Variants in DNAH14 observed in about 807,000 individuals in gnomAD.
DNAH14 encodes axonemal beta dynein heavy chain 14.
In DNAH14, 478 loss-of-function variants were observed where a neutral mutation model predicts 520.9. That is an observed-to-expected ratio of 0.92 (90% CI 0.85 to 0.99). The LOEUF (loss-of-function observed/expected upper bound fraction) is 0.99. Among genes scored for constraint, DNAH14 ranks in the 50% least tolerant of loss-of-function variants. The pLI is 0.00. For missense variants in DNAH14, 4,831 were observed against 5,234.5 expected (o/e 0.92, Z 2.38); for synonymous variants, 1,581 against 1,757.2 (o/e 0.90, Z 2.51).
intron 74 of DNAH14, 32 bp downstream of exon 74, chr1:225,358,684 A>G (rs1369876761): frequency 6.5e-7 from 1 of 1,538,894 alleles, no homozygotes; most frequent in African/African-American, 1.4e-5. Flanking sequence ...AAGATGATCG[A>G]TATGGTTTGG....
At chr1:225,055,867 A>T (rs1405018091) in intron 17 of DNAH14, among the ~76,000 whole-genome samples, 1 of 152,084 alleles carries the variant, frequency 6.6e-6, no homozygotes, top group African/African-American at 2.4e-5. Context: ...ACATGAACTC[A>T]TCATTTTTTA....
chr1:225,104,465 A>G (rs1229738790), intron 23 of DNAH14, among the ~76,000 whole-genome samples: 1 of 152,192 alleles, frequency 6.6e-6, no homozygotes, highest in African/African-American at 2.4e-5. Context: ...GAATGGTACC[A>G]GCTCCTCCTT....
chr1:225,262,289 G>T (rs1386135459), intron 46 of DNAH14, among the ~76,000 whole-genome samples: 3 of 151,734 alleles, frequency 2.0e-5, no homozygotes, highest in African/African-American at 4.8e-5. Context: ...CCATTCTGTA[G>T]GTTGTCTGTG....
chr1:225,353,606 A>G (rs3856151), intron 72 of DNAH14, among the ~76,000 whole-genome samples, 197 bp from the exon 73 acceptor site: 151,832 of 152,166 alleles, frequency 1, 75,750 homozygotes, highest in Middle Eastern at 1. Context: ...CTATCTTAAC[A>G]TCTCCCTCTT....
intron 23 of DNAH14, among the ~76,000 whole-genome samples, chr1:225,115,050 CTTATCT>C (rs1389498696): frequency 6.6e-6 from 1 of 152,174 alleles, no homozygotes; most frequent in East Asian, 1.9e-4. Flanking sequence ...TCTTGCCTTC[CTTATCT>C]TTAAGTTGAG....
At chr1:225,023,317 G>C (rs1383758094) in intron 10 of DNAH14, among the ~76,000 whole-genome samples, 1 of 149,370 alleles carries the variant, frequency 6.7e-6, no homozygotes, top group Non-Finnish European at 1.5e-5. Context: ...TTTTCATATT[G>C]TTAAATTTAG....
At chr1:225,289,605 CTG>C (rs1440185615) in intron 54 of DNAH14, among the ~76,000 whole-genome samples, 1 of 151,936 alleles carries the variant, frequency 6.6e-6, no homozygotes, top group African/African-American at 2.4e-5. Flanking sequence ...ATAAGCCTAT[CTG>C]TGCTTTTTTC....
At chr1:225,057,729 T>G (rs896395583) in intron 17 of DNAH14, among the ~76,000 whole-genome samples, 1 of 152,218 alleles carries the variant, frequency 6.6e-6, no homozygotes, top group Non-Finnish European at 1.5e-5. Flanking sequence ...TTGAGAGTTC[T>G]TAGCATGAAG....
At chr1:224,995,906 TAGTC>T (rs1274451250) in intron 8 of DNAH14, among the ~76,000 whole-genome samples, 1 of 152,104 alleles carries the variant, frequency 6.6e-6, no homozygotes, top group East Asian at 1.9e-4. Context: ...TATTATTTCT[TAGTC>T]AGACTTCTAA....
intron 42 of DNAH14, among the ~76,000 whole-genome samples, chr1:225,238,560 A>T (rs1232497838): frequency 1.3e-5 from 2 of 152,100 alleles, no homozygotes; most frequent in East Asian, 3.9e-4. Flanking sequence ...GTGTCTGGAG[A>T]CGCCTGTTGG....
At position 225,152,061 on chromosome 1, in the gene DNAH14, C is replaced by A. The variant is rs1164084533; in HGVS notation, c.4997C>A (p.Thr1666Asn). ...AATATGTCTTGTGCGGTATTTATCA[C>A]CATGAATCCCAGGTAAGTATCAGTA... ...RINMSCAVFITMNPRYGGGVE... is the reference protein window; with the variant it reads ...RINMSCAVFINMNPRYGGGVE... The change falls in exon 32 of 86, where the codon ACC (threonine) becomes AAC (asparagine). Residue 1666 changes from threonine (T) to asparagine (N), a missense_variant. Coordinates refer to ENST00000682510, the MANE Select transcript of DNAH14 (RefSeq NM_001367479.1). 3 of 1,549,772 alleles carry A rather than the reference C, an allele frequency of 1.9e-6. No homozygotes were observed. Among genetic ancestry groups the A allele is most frequent in the South Asian group, 2.4e-5 (2 of 83,746 alleles).
At chr1:225,284,572 T>G (rs1204146889) in intron 54 of DNAH14, among the ~76,000 whole-genome samples, 1 of 152,110 alleles carries the variant, frequency 6.6e-6, no homozygotes, top group East Asian at 1.9e-4. Flanking sequence ...AAGGAAGAAT[T>G]AACACCATTC....
rs1553479489 is a variant in DNAH14, at chr1:225,151,336, T to TA, written c.4941-669_4941-668insA. ...ATAAATCTGTGGATATAGTTGGGGG[T>TA]GGGGGGGTCACAGTAACATTTCACT... On this transcript the variant is annotated intron_variant, in intron 31 of 85. Coordinates refer to ENST00000682510, the MANE Select transcript of DNAH14 (RefSeq NM_001367479.1). Among the ~76,000 whole-genome samples, 429 of 151,512 alleles carry TA rather than the reference T, an allele frequency of 2.8e-3. 3 individuals are homozygous for TA. Among genetic ancestry groups the TA allele is most frequent in the East Asian group, 0.025 (126 of 5,140 alleles).
At chr1:225,391,810 C>A (rs1238559654) in intron 83 of DNAH14, among the ~76,000 whole-genome samples, 2 of 152,046 alleles carry the variant, frequency 1.3e-5, no homozygotes, top group Non-Finnish European at 2.9e-5. Flanking sequence ...TCTCCATGCA[C>A]CCAGGGGGAA....
Position 225,381,454 on chromosome 1 carries a change from T to A in DNAH14, c.12952T>A (p.Leu4318Ile). 1 of 1,551,036 alleles carries A rather than the reference T, an allele frequency of 6.4e-7. No homozygotes were observed. The highest frequency in any genetic ancestry group is 8.7e-7 in the Non-Finnish European group (1 of 1,146,816). ...KQEIKRFDKL[L>I]FVIHKSLKDL... ...AGAAATTAAACGATTTGATAAGTTA[T>A]TATTTGTCATACATAAATCCTTAAA... is the stretch of plus-strand genomic sequence containing the variant. The change falls in exon 81 of 86, where the codon TTA (leucine) becomes ATA (isoleucine). Residue 4318 changes from leucine to isoleucine, a missense_variant. Physicochemically the swap from Leu to Ile is conservative, Grantham distance 5 (BLOSUM62 2). Coordinates refer to ENST00000682510, the MANE Select transcript of DNAH14 (RefSeq NM_001367479.1).
intron 3 of DNAH14, 66 bp downstream of exon 3, chr1:224,955,164 T>C: frequency 6.7e-7 from 1 of 1,503,756 alleles, no homozygotes; most frequent in Admixed American, 2.1e-5. Context: ...TTGAAAGAAA[T>C]TTTTCATAGC....
At chr1:225,086,600 A>G (rs1471857903) in intron 21 of DNAH14, among the ~76,000 whole-genome samples, 1 of 152,178 alleles carries the variant, frequency 6.6e-6, no homozygotes. Flanking sequence ...GGGAACTCAC[A>G]TTATTTGTAA....
intron 15 of DNAH14, among the ~76,000 whole-genome samples, chr1:225,046,415 A>C (rs866260714): frequency 7.2e-5 from 11 of 152,092 alleles, no homozygotes; most frequent in African/African-American, 2.4e-4. Flanking sequence ...CTTATTTTCT[A>C]ATTCTATTAT....
At chr1:225,362,263 G>C (rs1489614342) in intron 75 of DNAH14, among the ~76,000 whole-genome samples, 2 of 152,054 alleles carry the variant, frequency 1.3e-5, no homozygotes, top group African/African-American at 4.8e-5. Context: ...AACATAATCA[G>C]AGTATTATTA....
Sources: gnomAD v4.1 joint callset for allele counts (sites outside exome capture counted in the v4.1 genomes callset) on GRCh38, gnomAD v4.1.1 for gene constraint, MANE v1.5 for transcripts, NCBI Gene and HGNC (gene_info 2026-07-23, HGNC 2026-07-21) for gene names.